SYT8: variants seen among roughly 807,000 people sequenced by gnomAD.
SYT8 encodes the protein synaptotagmin-8.
In SYT8, 50 loss-of-function variants were observed where a neutral mutation model predicts 34.9. The observed-to-expected ratio is 1.43, with a 90% CI of 1.14 to 1.81. The LOEUF (loss-of-function observed/expected upper bound fraction) is 1.81. Ranked by LOEUF, SYT8 falls within the 40% of genes most tolerant of loss-of-function variation. The probability of loss-of-function intolerance (pLI) is 0.00; values close to 1 mark genes in which losing one functional copy is unlikely to be tolerated. For missense variants in SYT8, 595 were observed against 529.0 expected, an observed-to-expected ratio of 1.12 and a Z score of -1.22; for synonymous variants, 255 against 234.2, an observed-to-expected ratio of 1.09 and a Z score of -0.81.
At position 1,835,891 on chromosome 11, in the gene SYT8, A is replaced by G. The variant is rs563156423; in HGVS notation, c.264A>G (p.Gln88=). 4.5e-5 allele frequency: 72 copies of G among 1,611,992 alleles called. No homozygotes were observed. In the South Asian group the frequency reaches 7.6e-4, roughly 17 times the overall value. ...ARGTTTTHLV[Q]PDVDGLESSP... The stretch of plus-strand genomic sequence containing the variant: ...CTTGTCCCAACTCACTCCAGGTGCA[A>G]CCTGATGTGGATGGCCTGGAGTCCA... The change falls in exon 3 of 8, where the codon CAA becomes CAG. Residue 88 remains glutamine (Q), a synonymous_variant. Transcript: ENST00000341958.
At position 1,836,829 on chromosome 11, in the gene SYT8, T is replaced by C. The variant is rs1447850385; in HGVS notation, c.758T>C (p.Leu253Pro). ...PSSGRLTVVV[L>P]EARGLRPGLA... ...TCAGGCCGGCTGACCGTGGTGGTGC[T>C]GGAGGCTCGAGGCCTGCGTCCAGGA... Residue 253 changes from leucine to proline, a missense_variant, in exon 6 of 8, where the codon CTG becomes CCG. Leu to Pro is a moderately conservative substitution (Grantham distance 98, BLOSUM62 -3). Coordinates refer to ENST00000341958, the MANE Select transcript of SYT8 (RefSeq NM_001394072.1). The C allele has an allele frequency of 3.1e-6, 5 of 1,611,546 alleles. 1 individual carries two copies. Among genetic ancestry groups the C allele is most frequent in the Admixed American group, 1.7e-5 (1 of 60,000 alleles).
chr11:1,835,849 G>A (rs1846883003), intron 2 of SYT8, 37 bp from the exon 3 acceptor site: 4 of 1,567,742 alleles, frequency 2.6e-6, no homozygotes, highest in Middle Eastern at 1.7e-4. Flanking sequence ...GAGGCATGAT[G>A]TCAGCACCAC....
upstream of SYT8, chr11:1,834,593 C>T: frequency 6.3e-7 from 1 of 1,588,262 alleles, no homozygotes; most frequent in Non-Finnish European, 8.6e-7. The surrounding 1 kb of genome is among the most constrained non-coding windows in gnomAD (Gnocchi z 4.5). Flanking sequence ...GCATGGCTGG[C>T]AAACCATGGT....
chr11:1,835,746 C>T lies in SYT8; in HGVS notation c.259-140C>T. ...GTTTGGCCGGTCTCACAGAGCGAAGCCGACGATTTGTGCCTGTTGGGTGGC... is the reference window on the plus strand; with the variant it reads ...GTTTGGCCGGTCTCACAGAGCGAAGTCGACGATTTGTGCCTGTTGGGTGGC... On this transcript the variant is annotated intron_variant, in intron 2 of 7. Transcript: ENST00000341958. 1.1e-5 allele frequency: 9 copies of T among 832,708 alleles called. No homozygotes were observed. The South Asian group carries it at 1.4e-4, about 13-fold the overall frequency. The allele number at this position is 832,708 out of a possible 1,614,324, so 51.6% of individuals were successfully genotyped here.
upstream of SYT8, among the ~76,000 whole-genome samples, chr11:1,832,981 T>C (rs1269214387): frequency 2.0e-5 from 3 of 152,232 alleles, no homozygotes; most frequent in Non-Finnish European, 2.9e-5. Flanking sequence ...AGATTCTGTA[T>C]TGGCAACTTA....
In SYT8 at chr11:1,837,088, C is replaced by G. The variant is rs777724420; in HGVS notation, c.922C>G (p.Gln308Glu). 5.1e-5 allele frequency: 82 copies of G among 1,613,334 alleles called. No individual in the cohort carries two copies. The Admixed American group carries it at 1.3e-3, about 26-fold the overall frequency. ...CTTCCTGGTGCCCTTCAGCCAGGTC[C>G]AGGTGGGCCACCGGGAGGCAGGGGC... ...FTFLVPFSQV[Q>E]NVDLVLAVWD... is the part of the protein sequence containing the mutation. Residue 308 changes from glutamine (Q) to glutamate (E), a missense_variant and splice_region_variant, in exon 7 of 8, where the codon CAG becomes GAG. Physicochemically the swap from Gln to Glu is conservative, Grantham distance 29. Transcript: ENST00000341958.
chr11:1,834,481 C>T, upstream of SYT8: 1 of 1,240,028 alleles, frequency 8.1e-7, no homozygotes, highest in South Asian at 1.3e-5. This position sits in a 1 kb window ranked among gnomAD's most constrained non-coding sequence, Gnocchi z 4.5. Context: ...CAGGCCTGCT[C>T]AGTGAGCTCC....
upstream of SYT8, chr11:1,834,816 T>A: frequency 1.5e-6 from 1 of 656,178 alleles, no homozygotes; most frequent in Non-Finnish European, 2.7e-6. This position sits in a 1 kb window ranked among gnomAD's most constrained non-coding sequence, Gnocchi z 4.5. Context: ...GGGACTAGGC[T>A]GCCCAGGCCC....
chr11:1,836,363 G>A, intron 4 of SYT8, 62 bp from the exon 5 acceptor site: 2 of 1,498,386 alleles, frequency 1.3e-6, no homozygotes, highest in Non-Finnish European at 1.8e-6. Flanking sequence ...AGCTGGGTGG[G>A]CCTGGGCAGC....
At position 1,835,661 on chromosome 11, in the gene SYT8, G is replaced by A. The variant is rs573044978; in HGVS notation, c.258+202G>A. On this transcript the variant is annotated intron_variant, in intron 2 of 7. Coordinates refer to ENST00000341958, the MANE Select transcript of SYT8 (RefSeq NM_001394072.1). ...ACAGGGGCTGCCCCATGGGCCCGAG[G>A]GAGCCACAGCGGGTTCTTGAGGAAG... 4.1e-4 allele frequency: 307 copies of A among 750,832 alleles called. 2 individuals carry two copies. The African/African-American group carries it at 4.3e-3, about 10-fold the overall frequency. The allele number at this position is 750,832 out of a possible 1,614,324, so 46.5% of individuals were successfully genotyped here.
At chr11:1,832,470 G>A (rs947445879), upstream of SYT8, among the ~76,000 whole-genome samples, 3 of 152,204 alleles carry the variant, frequency 2.0e-5, no homozygotes, top group African/African-American at 7.2e-5. Context: ...CTAGACAACG[G>A]GGAGAGCAGC....
rs757177838 is a variant in SYT8, at chr11:1,835,368, CCTG to C, written c.178_180del (p.Cys60del). On this transcript the variant is annotated inframe_deletion, in exon 2 of 8. Transcript: ENST00000341958. ...CTCGTCTCCTGCCTCCTCTGTGCTG[CCTG>C]CTGCTGCTGCCGCCGCCACAGGAAG... The C allele has an allele frequency of 1.2e-4, 191 of 1,607,458 alleles. 1 individual carries two copies. The highest frequency in any genetic ancestry group is 4.7e-4 in the East Asian group (21 of 44,846).
upstream of SYT8, among the ~76,000 whole-genome samples, chr11:1,832,549 C>T (rs538962653): frequency 2.6e-5 from 4 of 152,266 alleles, no homozygotes; most frequent in African/African-American, 9.6e-5. Context: ...GAGCCCCCAG[C>T]GCCCAAGGGT....
chr11:1,833,721 C>T (rs1846753749), upstream of SYT8: 1 of 152,502 alleles, frequency 6.6e-6, no homozygotes, highest in Non-Finnish European at 1.5e-5. Flanking sequence ...CTGCAGCCCC[C>T]TCATCTGAAC....
chr11:1,834,618 G>A (rs1351471517), upstream of SYT8: 20 of 1,584,872 alleles, frequency 1.3e-5, no homozygotes, highest in Non-Finnish European at 1.5e-5. This position sits in a 1 kb window ranked among gnomAD's most constrained non-coding sequence, Gnocchi z 4.5. Flanking sequence ...CCCAGCTGTG[G>A]TGCGTGCTGG....
intron 4 of SYT8, 55 bp downstream of exon 4, chr11:1,836,339 G>T (rs1846929971): frequency 6.7e-7 from 1 of 1,494,730 alleles, no homozygotes. Context: ...GGCCTGGGCT[G>T]GGTGGGCCTG....
chr11:1,836,715 G>A (rs776579697), intron 5 of SYT8, 41 bp from the exon 6 acceptor site: 2 of 1,600,934 alleles, frequency 1.2e-6, no homozygotes, highest in East Asian at 2.2e-5. Context: ...AACTCGGCCA[G>A]AATCACCCTC....
At position 1,835,314 on chromosome 11, in the gene SYT8, T is replaced by C; in HGVS notation, c.113T>C (p.Ile38Thr). The C allele has an allele frequency of 1.2e-6, 2 of 1,600,630 alleles. No homozygotes were observed. The highest frequency in any genetic ancestry group is 1.7e-6 in the Non-Finnish European group (2 of 1,172,526). The change falls in exon 2 of 8, where the codon ATT (isoleucine) becomes ACT (threonine). Residue 38 changes from isoleucine to threonine, a missense_variant. Physicochemically the swap from Ile to Thr is moderately conservative, Grantham distance 89. Coordinates refer to ENST00000341958, the MANE Select transcript of SYT8 (RefSeq NM_001394072.1). ...ACCCCAGGGCCCCGCTGGGCTCTCA[T>C]TGCCGGCGCCCTTGCCGCGGGCGTC... Reference protein sequence around the residue: ...AGTPWPRWALIAGALAAGVLL... With the variant: ...AGTPWPRWALTAGALAAGVLL...
chr11:1,837,142 G>C (rs1846991526), intron 7 of SYT8, 50 bp from the exon 8 acceptor site: 16 of 1,601,066 alleles, frequency 1.0e-5, no homozygotes, highest in Non-Finnish European at 1.2e-5. Context: ...AGACCACGAT[G>C]ACTGTGGTCT....
Sources: gnomAD v4.1 joint callset for allele counts (sites outside exome capture counted in the v4.1 genomes callset) on GRCh38, gnomAD v4.1.1 for gene constraint, Gnocchi (gnomAD v3.1) non-coding constraint, MANE v1.5 for transcripts, NCBI Gene and HGNC (gene_info 2026-07-23, HGNC 2026-07-21) for gene names.